MRAS: variants seen among roughly 807,000 people sequenced by gnomAD.
MRAS encodes ras-related protein M-Ras.
In MRAS, 4 loss-of-function variants were observed where a neutral mutation model predicts 20.9. The observed-to-expected ratio is 0.19, with a 90% CI of 0.09 to 0.44. MRAS has a LOEUF of 0.44. MRAS is among the 20% of genes least tolerant of loss of function. The pLI, the probability that MRAS is intolerant of heterozygous loss-of-function variation, is 0.99. For synonymous variants in MRAS, 98 were observed against 102.9 expected (o/e 0.95, Z 0.29); for missense variants, 154 against 277.5 (o/e 0.56, Z 3.16).
intron 1 of MRAS, among the ~76,000 whole-genome samples, chr3:138,353,012 C>T (rs2054259370): frequency 6.6e-6 from 1 of 152,154 alleles, no homozygotes; most frequent in Non-Finnish European, 1.5e-5. Flanking sequence ...TTCAAGCAAC[C>T]TTCGGAGGAC....
intron 2 of MRAS, among the ~76,000 whole-genome samples, chr3:138,384,838 C>T (rs757152190): frequency 5.3e-5 from 8 of 152,174 alleles, no homozygotes; most frequent in Non-Finnish European, 1.0e-4. Flanking sequence ...TGGCATCCTG[C>T]AGCCAAGTGA....
intron 1 of MRAS, among the ~76,000 whole-genome samples, chr3:138,368,248 A>T (rs1246621401): frequency 3.9e-5 from 6 of 152,156 alleles, no homozygotes; most frequent in Non-Finnish European, 8.8e-5. Flanking sequence ...TCATGCTGAG[A>T]GGAGGCTGGG....
At chr3:138,373,857 T>C (rs1212400243) in intron 2 of MRAS, among the ~76,000 whole-genome samples, 1 of 150,278 alleles carries the variant, frequency 6.7e-6, no homozygotes. Context: ...TTCCAACCCA[T>C]GAACACAGTA....
rs3732837 is a variant in MRAS at position 138,403,078 on chromosome 3, A to T, written c.*809A>T. On this transcript the variant is annotated 3_prime_UTR_variant, in exon 6 of 6. Transcript: ENST00000423968. ...GGGGAGTGGCTGTCATGAGCATGTC[A>T]GTTCTAAAAGGGGTTTTCATTATCC... 17,455 of 152,262 alleles carry T rather than the reference A, an allele frequency of 0.11. 1,122 individuals carry two copies. The highest frequency in any genetic ancestry group is 0.16 in the Non-Finnish European group (10,672 of 67,988). 9.4% of individuals were successfully genotyped at this position (152,262 alleles called of 1,614,324 possible).
rs869116304 is a variant in MRAS, at chr3:138,354,957, A to AT, written c.-19+6198dup. Among the ~76,000 whole-genome samples the AT allele has an allele frequency of 2.6e-5, 4 of 151,758 alleles. No individual in the cohort carries two copies. In the East Asian group the frequency reaches 5.8e-4, roughly 22 times the overall value. ...CACCATGCCCATCTAATTTAAAAAA[A>AT]TTTTTTTTGTAGAGATGGGGTCTCC... On this transcript the variant is annotated intron_variant, in intron 1 of 5. Coordinates refer to ENST00000423968, the MANE Select transcript of MRAS (RefSeq NM_001085049.3).
intron 2 of MRAS, among the ~76,000 whole-genome samples, chr3:138,374,183 G>A (rs1426813484): frequency 6.6e-6 from 1 of 151,788 alleles, no homozygotes; most frequent in African/African-American, 2.4e-5. Flanking sequence ...GGATGGTCTC[G>A]ATCTCCGGAC....
At chr3:138,380,042 CTCATTGTAGTTTTGATTTGCATT>C (rs1286001863) in intron 2 of MRAS, among the ~76,000 whole-genome samples, 2 of 152,072 alleles carry the variant, frequency 1.3e-5, no homozygotes, top group Admixed American at 6.5e-5. Flanking sequence ...GAGATGTTAT[CTCATTGTAGTTTTGATTTGCATT>C]TCATTGTAGT....
At chr3:138,401,841 G>T (rs2055366041) in intron 5 of MRAS, among the ~76,000 whole-genome samples, 1 of 152,228 alleles carries the variant, frequency 6.6e-6, no homozygotes, top group Non-Finnish European at 1.5e-5. Flanking sequence ...ATAGAGGCCA[G>T]CACTCTATAA....
At position 138,403,162 on chromosome 3, in the gene MRAS, C is replaced by T. The variant is rs2055393896; in HGVS notation, c.*893C>T. 1 of 152,162 alleles carries T rather than the reference C, an allele frequency of 6.6e-6. No individual in the cohort carries two copies. The highest frequency in any genetic ancestry group is 6.5e-5 in the Admixed American group (1 of 15,274). 9.4% of individuals were successfully genotyped at this position (152,162 alleles called of 1,614,324 possible). A position where few individuals can be genotyped will look rare whatever the true frequency, so the allele number is the denominator to read the frequency against. On this transcript the variant is annotated 3_prime_UTR_variant, in exon 6 of 6. Coordinates refer to ENST00000423968, the MANE Select transcript of MRAS (RefSeq NM_001085049.3). ...TTTGCAAACATGTTCATTTGTTTTT[C>T]AGACAGTATGGGTTAAGTTCTCTGC... is the stretch of plus-strand genomic sequence containing the variant.
chr3:138,366,066 A>G (rs1366608376), intron 1 of MRAS, among the ~76,000 whole-genome samples: 3 of 152,220 alleles, frequency 2.0e-5, no homozygotes, highest in Admixed American at 6.5e-5. Context: ...CGGGGAGCGG[A>G]GAGTGAAGCC....
intron 2 of MRAS, among the ~76,000 whole-genome samples, chr3:138,381,036 G>T (rs2054892505): frequency 6.6e-6 from 1 of 152,104 alleles, no homozygotes; most frequent in Non-Finnish European, 1.5e-5. Context: ...GCCTCCCAAA[G>T]TGTTGGGTTT....
intron 2 of MRAS, among the ~76,000 whole-genome samples, chr3:138,377,166 C>T (rs942355013): frequency 3.3e-5 from 5 of 152,210 alleles, no homozygotes; most frequent in Non-Finnish European, 7.3e-5. Context: ...CATGGCATTA[C>T]TTTAGAAGAA....
At chr3:138,397,857 C>T (rs556775815) in intron 3 of MRAS, among the ~76,000 whole-genome samples, 6 of 152,184 alleles carry the variant, frequency 3.9e-5, no homozygotes, top group South Asian at 2.1e-4. Flanking sequence ...GGTTTTACTC[C>T]GAATACATGA....
chr3:138,361,881 T>C (rs2054455824), intron 1 of MRAS, among the ~76,000 whole-genome samples: 1 of 152,144 alleles, frequency 6.6e-6, no homozygotes, highest in Non-Finnish European at 1.5e-5. Context: ...TAGGAAAATA[T>C]TAATAGACCC....
At chr3:138,401,055 C>T (rs1418517780) in intron 5 of MRAS, among the ~76,000 whole-genome samples, 3 of 152,198 alleles carry the variant, frequency 2.0e-5, no homozygotes, top group Non-Finnish European at 4.4e-5. Flanking sequence ...ATTTCAGAGG[C>T]ATTGCACATG....
At chr3:138,351,130 A>C (rs1219441212) in intron 1 of MRAS, among the ~76,000 whole-genome samples, 2 of 152,140 alleles carry the variant, frequency 1.3e-5, no homozygotes, top group Admixed American at 6.6e-5. Context: ...GTGAGTTCTC[A>C]GGGAAATGTG....
chr3:138,389,087 T>G (rs1020070106), intron 2 of MRAS, among the ~76,000 whole-genome samples: 23 of 152,006 alleles, frequency 1.5e-4, no homozygotes, highest in Admixed American at 2.6e-4. Flanking sequence ...TGATCCGCCC[T>G]CCTCGGCCTC....
chr3:138,398,587 G>A lies in MRAS; in HGVS notation c.447+19G>A, dbSNP rs1298511663. 1.9e-6 allele frequency: 3 copies of A among 1,608,766 alleles called. No homozygotes were observed. Among genetic ancestry groups the A allele is most frequent in the Non-Finnish European group, 2.6e-6 (3 of 1,175,124 alleles). On this transcript the variant is annotated intron_variant, in intron 4 of 5. Coordinates refer to ENST00000423968, the MANE Select transcript of MRAS (RefSeq NM_001085049.3). ...ACACAATGTAGGTGTGTGCGTGTGT[G>A]TAGAGGGGGTCAGGAGATGTGTAAA... is the stretch of plus-strand genomic sequence containing the variant.
At chr3:138,393,042 A>G (rs2055162862) in intron 2 of MRAS, among the ~76,000 whole-genome samples, 1 of 152,196 alleles carries the variant, frequency 6.6e-6, no homozygotes, top group Non-Finnish European at 1.5e-5. Context: ...ATGTGTGTGT[A>G]TACTCGTATT....
Sources: allele counts gnomAD v4.1 joint callset (sites outside exome capture counted in the v4.1 genomes callset), GRCh38; gene constraint gnomAD v4.1.1; transcripts MANE v1.5; gene names NCBI Gene and HGNC (gene_info 2026-07-23, HGNC 2026-07-21).